Variants in DCLK1 observed in about 807,000 individuals in gnomAD.
The protein encoded by DCLK1 is doublecortin like kinase 1.
In DCLK1, 16 loss-of-function variants were observed where a neutral mutation model predicts 86.2. The ratio of observed to expected loss-of-function variants is 0.19; its 90% CI spans 0.13 to 0.28. The LOEUF is 0.28. Ranked by LOEUF, DCLK1 falls within the 10% of genes least tolerant of loss-of-function variation. DCLK1 has a pLI of 1.00. For synonymous variants in DCLK1, 369 were observed against 370.5 expected, an observed-to-expected ratio of 1.00 and a Z score of 0.05; for missense variants, 590 against 940.2, an observed-to-expected ratio of 0.63 and a Z score of 4.87.
intron 3 of DCLK1, among the ~76,000 whole-genome samples, chr13:35,958,139 C>CATCACCACCACCACTGCTATA (rs1566620649): frequency 1.4e-5 from 2 of 142,108 alleles, no homozygotes; most frequent in South Asian, 2.2e-4. Flanking sequence ...CTACTATAAC[C>CATCACCACCACCACTGCTATA]ACCACCACCA....
At chr13:35,925,214 C>T (rs1288095844) in intron 4 of DCLK1, among the ~76,000 whole-genome samples, 1 of 152,166 alleles carries the variant, frequency 6.6e-6, no homozygotes, top group African/African-American at 2.4e-5. Context: ...AGAGGAGCGG[C>T]CAAAGGAGAA....
chr13:35,967,696 G>A (rs184242693), intron 3 of DCLK1, among the ~76,000 whole-genome samples: 4 of 152,040 alleles, frequency 2.6e-5, no homozygotes, highest in African/African-American at 4.8e-5. Context: ...TGCGGAAGGC[G>A]GCAGGGCCCT....
At chr13:35,945,756 C>A (rs1418635020) in intron 4 of DCLK1, among the ~76,000 whole-genome samples, 3 of 152,110 alleles carry the variant, frequency 2.0e-5, no homozygotes, top group Non-Finnish European at 4.4e-5. Context: ...GTGGGGGGGA[C>A]CTTCCCTGAG....
At chr13:35,840,238 C>G (rs575631286) in intron 6 of DCLK1, among the ~76,000 whole-genome samples, 2 of 152,214 alleles carry the variant, frequency 1.3e-5, no homozygotes, top group Non-Finnish European at 2.9e-5. Context: ...ACCCATTCAG[C>G]CTTAAAGTAT....
intron 4 of DCLK1, among the ~76,000 whole-genome samples, chr13:35,925,438 C>T (rs1876058881): frequency 6.6e-6 from 1 of 152,306 alleles, no homozygotes; most frequent in East Asian, 1.9e-4. Context: ...GTTCTCACCA[C>T]GTGAAGGCAA....
At chr13:35,989,237 T>C (rs1880094027) in intron 3 of DCLK1, among the ~76,000 whole-genome samples, 1 of 152,174 alleles carries the variant, frequency 6.6e-6, no homozygotes, top group East Asian at 1.9e-4. Context: ...GCAAAATATC[T>C]ATACTTTGGA....
chr13:35,958,005 TCACCATCACCATCACACACCAC>T (rs1878115014), intron 3 of DCLK1, among the ~76,000 whole-genome samples: 1 of 9,174 alleles, frequency 1.1e-4, no homozygotes, highest in Non-Finnish European at 3.6e-4. Context: ...ACCACCATTA[TCACCATCACCATCACACACCAC>T]AACTACCACC....
Position 35,871,358 on chromosome 13 carries a change from A to G in DCLK1, c.824-18T>C, listed in dbSNP as rs761656657. On this transcript the variant is annotated intron_variant, in intron 4 of 16. Transcript: ENST00000360631. ...TCGACATTCTGGGGAAAGAACAAAA[A>G]CCACACATCATTATGGGGTAATGGC... is the stretch of plus-strand genomic sequence containing the variant. 7 of 1,596,184 alleles carry G rather than the reference A, an allele frequency of 4.4e-6. No individual in the cohort carries two copies. In the African/African-American group the frequency reaches 9.4e-5, roughly 21 times the overall value.
intron 15 of DCLK1, among the ~76,000 whole-genome samples, chr13:35,794,647 C>A (rs1367950364): frequency 6.6e-6 from 1 of 152,214 alleles, no homozygotes; most frequent in Non-Finnish European, 1.5e-5. Flanking sequence ...CGAGCAAAGA[C>A]AGGCATGGGC....
At chr13:36,074,357 C>G (rs1267031026) in intron 3 of DCLK1, among the ~76,000 whole-genome samples, 1 of 151,460 alleles carries the variant, frequency 6.6e-6, no homozygotes, top group Non-Finnish European at 1.5e-5. Flanking sequence ...AAAAAATTAG[C>G]AGGGCGAGGT....
At chr13:36,049,270 T>G (rs896400561) in intron 3 of DCLK1, among the ~76,000 whole-genome samples, 2 of 152,174 alleles carry the variant, frequency 1.3e-5, no homozygotes, top group Non-Finnish European at 2.9e-5. Context: ...TGTGGCTGCT[T>G]AAGAAACATG....
In DCLK1 at chr13:35,769,016, A is replaced by C. The variant is rs1171956760; in HGVS notation, c.*5519T>G. The stretch of plus-strand genomic sequence containing the variant: ...AAGTACTATTATTTTATTAACTTTA[A>C]GAACATGTTTTACATAAAAACAGGC... On this transcript the variant is annotated 3_prime_UTR_variant, in exon 17 of 17. Transcript: ENST00000360631. The C allele has an allele frequency of 2.6e-5, 4 of 152,230 alleles. No homozygotes were observed. The highest frequency in any genetic ancestry group is 5.9e-5 in the Non-Finnish European group (4 of 68,044). 9.4% of individuals were successfully genotyped at this position (152,230 alleles called of 1,614,324 possible).
rs577477996 is a variant in DCLK1, at chr13:35,860,871, G to A, written c.941-6278C>T. ...AGAGGTCTGCAGGGCCAAATTGGGT[G>A]AGTGGGCTTTAGACAGCTGAAGAGA... On this transcript the variant is annotated intron_variant, in intron 5 of 16. Transcript: ENST00000360631. Among the ~76,000 whole-genome samples, 7 of 152,304 alleles carry A rather than the reference G, an allele frequency of 4.6e-5. No individual in the cohort carries two copies. In the South Asian group the frequency reaches 1.5e-3, roughly 32 times the overall value.
chr13:35,959,002 TA>T (rs201743502), intron 3 of DCLK1, among the ~76,000 whole-genome samples: 260 of 152,060 alleles, frequency 1.7e-3, no homozygotes, highest in East Asian at 5.2e-3. Context: ...AATAGTAAGA[TA>T]AAAAAAAGTA....
At chr13:36,121,002 A>G (rs545295136) in intron 2 of DCLK1, among the ~76,000 whole-genome samples, 2 of 152,302 alleles carry the variant, frequency 1.3e-5, no homozygotes, top group African/African-American at 4.8e-5. Flanking sequence ...CAACAATATT[A>G]CTTCTAGGAA....
intron 4 of DCLK1, among the ~76,000 whole-genome samples, chr13:35,882,573 C>T (rs1307018576): frequency 6.6e-6 from 1 of 152,192 alleles, no homozygotes; most frequent in Non-Finnish European, 1.5e-5. Context: ...GCCTGTAAGG[C>T]CCCTCCCTAC....
chr13:36,106,393 CT>C (rs1885397157), intron 3 of DCLK1, among the ~76,000 whole-genome samples: 1 of 152,160 alleles, frequency 6.6e-6, no homozygotes, highest in Non-Finnish European at 1.5e-5. Context: ...TTGAAATCAT[CT>C]ATTTCCATCA....
chr13:35,973,420 G>A (rs191317945), intron 3 of DCLK1, among the ~76,000 whole-genome samples: 4 of 152,210 alleles, frequency 2.6e-5, no homozygotes, highest in East Asian at 1.9e-4. Flanking sequence ...CCTGCACCTC[G>A]CACCTCGGTC....
At chr13:35,799,119 T>C (rs7333096) in intron 15 of DCLK1, among the ~76,000 whole-genome samples, 25,172 of 152,202 alleles carry the variant, frequency 0.17, 3,194 homozygotes, top group African/African-American at 0.35. Context: ...GTTATAATCA[T>C]CTGTGAGCTT....
Sources: allele counts gnomAD v4.1 joint callset (sites outside exome capture counted in the v4.1 genomes callset), GRCh38; gene constraint gnomAD v4.1.1; transcripts MANE v1.5; gene names NCBI Gene and HGNC (gene_info 2026-07-23, HGNC 2026-07-21).